NFIC: variants seen among roughly 807,000 people sequenced by gnomAD.
The protein encoded by NFIC is nuclear factor 1 C-type.
A neutral mutation model predicts 54.4 loss-of-function variants in NFIC; 12 were observed. That is an observed-to-expected ratio of 0.22 (90% CI 0.14 to 0.36). The LOEUF is 0.36. NFIC is among the 10% of genes least tolerant of loss of function. The pLI, the probability that NFIC is intolerant of heterozygous loss-of-function variation, is 1.00. For missense variants in NFIC, 575 were observed against 718.2 expected (o/e 0.80, Z 2.28); for synonymous variants, 322 against 319.2 (o/e 1.01, Z -0.09).
At chr19:3,437,133 C>T (rs1036437472) in intron 6 of NFIC, among the ~76,000 whole-genome samples, 3 of 151,844 alleles carry the variant, frequency 2.0e-5, no homozygotes, top group Non-Finnish European at 4.4e-5. Context: ...TTTGGGAGGC[C>T]GAGGCAGGCG....
In NFIC at chr19:3,459,735, C is replaced by T. The variant is rs2121950779; in HGVS notation, c.1510-3017C>T. Among the ~76,000 whole-genome samples the T allele has an allele frequency of 6.6e-6, 1 of 152,358 alleles. No individual in the cohort carries two copies. The highest frequency in any genetic ancestry group is 2.1e-4 in the South Asian group (1 of 4,832). On this transcript the variant is annotated intron_variant, in intron 10 of 10. Transcript: ENST00000443272. The surrounding 1 kb of genome is among the most constrained non-coding windows in gnomAD (Gnocchi z 4.2). The stretch of plus-strand genomic sequence containing the variant: ...CCACGGGGAGGGTCACGCCCAGAGT[C>T]TGTCGGTTGCCAACAGAAACCAGAC...
At chr19:3,373,178 C>T (rs1483163310) in intron 1 of NFIC, among the ~76,000 whole-genome samples, 4 of 152,286 alleles carry the variant, frequency 2.6e-5, no homozygotes, top group South Asian at 2.1e-4. Flanking sequence ...GCTCAGCAAA[C>T]GCTCAGCCTG....
At chr19:3,389,404 C>T (rs1418619048) in intron 2 of NFIC, among the ~76,000 whole-genome samples, 3 of 152,126 alleles carry the variant, frequency 2.0e-5, no homozygotes, top group Non-Finnish European at 2.9e-5. Flanking sequence ...AGGAGCAAGG[C>T]GGGTCTTCAC....
At position 3,456,634 on chromosome 19, in the gene NFIC, A is replaced by G. The variant is rs2082562092; in HGVS notation, c.1508A>G (p.Gln503Arg). ...PRDPAGIYQA[Q>R]SWYLG is the part of the protein sequence containing the mutation. ...GATCCTGCGGGCATTTATCAGGCAC[A>G]GGTAGGGGCCGAGAGGCCGGCTGGT... Residue 503 changes from glutamine to arginine, a missense_variant and splice_region_variant, in exon 10 of 11, where the codon CAG becomes CGG. Coordinates refer to ENST00000443272, the MANE Select transcript of NFIC (RefSeq NM_001245002.2). The G allele has an allele frequency of 7.7e-7, 1 of 1,292,350 alleles. No individual in the cohort carries two copies. Among genetic ancestry groups the G allele is most frequent in the Non-Finnish European group, 1.0e-6 (1 of 962,086 alleles). 80.1% of individuals were successfully genotyped at this position (1,292,350 alleles called of 1,614,324 possible). A position where few individuals can be genotyped will look rare whatever the true frequency, so the allele number is the denominator to read the frequency against.
chr19:3,374,781 G>A (rs921657986), intron 1 of NFIC, among the ~76,000 whole-genome samples: 6 of 152,198 alleles, frequency 3.9e-5, no homozygotes, highest in African/African-American at 1.4e-4. Flanking sequence ...AAGAGGCCCT[G>A]GTTATTGCAG....
At chr19:3,403,333 C>T (rs1212660300) in intron 2 of NFIC, among the ~76,000 whole-genome samples, 1 of 152,192 alleles carries the variant, frequency 6.6e-6, no homozygotes, top group Non-Finnish European at 1.5e-5. Context: ...TTCCGTTGTC[C>T]AACTGCGTGG....
intron 3 of NFIC, among the ~76,000 whole-genome samples, chr19:3,431,345 T>C (rs1361918810): frequency 6.7e-6 from 1 of 148,896 alleles, no homozygotes; most frequent in Non-Finnish European, 1.5e-5. Context: ...CCTCATTCTT[T>C]TTCTTTTCCT....
rs1460514951 is a variant in NFIC at position 3,369,848 on chromosome 19, A to C, written c.30+3182A>C. Among the ~76,000 whole-genome samples the C allele has an allele frequency of 6.6e-6, 1 of 152,074 alleles. No individual in the cohort carries two copies. The highest frequency in any genetic ancestry group is 1.5e-5 in the Non-Finnish European group (1 of 67,994). ...GTGGCGGATTCCCCGAGCCACCTCC[A>C]TCCCGCCACCGGGTCCCTGTCTCAT... On this transcript the variant is annotated intron_variant, in intron 1 of 10. Coordinates refer to ENST00000443272, the MANE Select transcript of NFIC (RefSeq NM_001245002.2). The surrounding 1 kb of genome is among the most constrained non-coding windows in gnomAD (Gnocchi z 4.3).
chr19:3,404,422 C>G (rs1206216253), intron 2 of NFIC, among the ~76,000 whole-genome samples: 1 of 152,040 alleles, frequency 6.6e-6, no homozygotes, highest in Non-Finnish European at 1.5e-5. Flanking sequence ...GGAGGGGGCG[C>G]GGAGGCGTGG....
intron 1 of NFIC, among the ~76,000 whole-genome samples, chr19:3,374,832 C>G (rs1335841956): frequency 6.6e-6 from 1 of 152,112 alleles, no homozygotes; most frequent in African/African-American, 2.4e-5. Context: ...CCAACCAGGC[C>G]CTGCCTCTCA....
intron 3 of NFIC, among the ~76,000 whole-genome samples, chr19:3,430,046 T>C (rs757489629): frequency 7.9e-5 from 12 of 152,004 alleles, no homozygotes; most frequent in Non-Finnish European, 1.5e-4. Flanking sequence ...GGGTGTAAAA[T>C]AGCCTCCCTC....
intron 3 of NFIC, among the ~76,000 whole-genome samples, chr19:3,426,198 A>G (rs542870581): frequency 5.4e-5 from 8 of 148,904 alleles, no homozygotes; most frequent in East Asian, 2.0e-4. Context: ...CTCCCGAAGT[A>G]CTGGGATTAC....
chr19:3,388,771 T>G (rs1568414084), intron 2 of NFIC, among the ~76,000 whole-genome samples: 1 of 151,528 alleles, frequency 6.6e-6, no homozygotes, highest in Non-Finnish European at 1.5e-5. Context: ...GAGGTTGCAG[T>G]GAGCTGTGAT....
intron 1 of NFIC, among the ~76,000 whole-genome samples, chr19:3,373,617 AC>A (rs150678004): frequency 0.15 from 11,446 of 78,386 alleles, 515 homozygotes; most frequent in South Asian, 0.24. Flanking sequence ...ACCTTCCTGG[AC>A]CCCCCCCCCA....
chr19:3,397,319 T>C (rs2081480434), intron 2 of NFIC, among the ~76,000 whole-genome samples: 1 of 152,208 alleles, frequency 6.6e-6, no homozygotes, highest in East Asian at 1.9e-4. Flanking sequence ...ATAAAGGGGC[T>C]GTTTGGGGTA....
At chr19:3,386,122 C>T (rs2081292346) in intron 2 of NFIC, among the ~76,000 whole-genome samples, 1 of 151,696 alleles carries the variant, frequency 6.6e-6, no homozygotes, top group Admixed American at 6.6e-5. Flanking sequence ...TGTGGTGGCT[C>T]ATGCCTGTAA....
At chr19:3,403,598 G>A (rs932718779) in intron 2 of NFIC, among the ~76,000 whole-genome samples, 1 of 152,194 alleles carries the variant, frequency 6.6e-6, no homozygotes, top group Non-Finnish European at 1.5e-5. Context: ...GCCCAGAGAG[G>A]GGCAGGGCTT....
At chr19:3,395,314 G>T (rs888347255) in intron 2 of NFIC, among the ~76,000 whole-genome samples, 1 of 151,778 alleles carries the variant, frequency 6.6e-6, no homozygotes, top group African/African-American at 2.4e-5. Flanking sequence ...AGCAGAGATC[G>T]CACCACTGTA....
chr19:3,436,544 T>C lies in NFIC; in HGVS notation c.958+1337T>C, dbSNP rs879379612. On this transcript the variant is annotated intron_variant, in intron 6 of 10. Coordinates refer to ENST00000443272, the MANE Select transcript of NFIC (RefSeq NM_001245002.2). ...AGGCTGGAGTGCAGTGGCGAGATCTTGGCTCACTGCAACCCTTCCTCCTGA... is the reference window on the plus strand; with the variant it reads ...AGGCTGGAGTGCAGTGGCGAGATCTCGGCTCACTGCAACCCTTCCTCCTGA... 2.0e-5 allele frequency among the ~76,000 whole-genome samples: 3 copies of C among 151,178 alleles called. No homozygotes were observed. The Admixed American group carries it at 2.0e-4, about 10-fold the overall frequency.
Sources: gnomAD v4.1 joint callset for allele counts (sites outside exome capture counted in the v4.1 genomes callset) on GRCh38, gnomAD v4.1.1 for gene constraint, Gnocchi (gnomAD v3.1) non-coding constraint, MANE v1.5 for transcripts, NCBI Gene and HGNC (gene_info 2026-07-23, HGNC 2026-07-21) for gene names.